The following COX7B2 variants were observed in gnomAD, a reference collection of about 807,000 sequenced individuals.
The protein encoded by COX7B2 is cytochrome c oxidase subunit 7B2, mitochondrial.
For synonymous variants in COX7B2, 37 were observed against 32.1 expected (o/e 1.15, Z -0.51); for missense variants, 109 against 95.9 (o/e 1.14, Z -0.57).
In COX7B2 at chr4:46,846,527, A is replaced by C. The variant is rs139522842; in HGVS notation, c.-104-1513T>G. The stretch of plus-strand genomic sequence containing the variant: ...TCAAAGGCCATGAGGGAGGTGAGGG[A>C]GTCAGACATGCAGTCTTCTGGGGGA... On this transcript the variant is annotated intron_variant, in intron 1 of 2. Coordinates refer to ENST00000355591, the MANE Select transcript of COX7B2 (RefSeq NM_130902.3). Among the ~76,000 whole-genome samples, 675 of 152,028 alleles carry C rather than the reference A, an allele frequency of 4.4e-3. 6 individuals carry two copies. The highest frequency in any genetic ancestry group is 0.016 in the African/African-American group (654 of 41,508).
intron 1 of COX7B2, among the ~76,000 whole-genome samples, chr4:46,893,135 A>G (rs940308346): frequency 3.9e-5 from 6 of 152,164 alleles, no homozygotes; most frequent in Non-Finnish European, 8.8e-5. Context: ...CACATGGATA[A>G]GTAGAGTTAA....
At chr4:46,884,236 G>A (rs1718927991) in intron 1 of COX7B2, among the ~76,000 whole-genome samples, 1 of 152,102 alleles carries the variant, frequency 6.6e-6, no homozygotes, top group Non-Finnish European at 1.5e-5. Context: ...TGTAGCACAG[G>A]CTGGAGTGCA....
chr4:46,880,730 A>G (rs1364763342), intron 1 of COX7B2, among the ~76,000 whole-genome samples: 1 of 151,220 alleles, frequency 6.6e-6, no homozygotes, highest in Non-Finnish European at 1.5e-5. Flanking sequence ...TTAAAAAAAA[A>G]ACTATCGCAA....
intron 1 of COX7B2, among the ~76,000 whole-genome samples, chr4:46,907,150 A>T (rs762368253): frequency 6.6e-6 from 1 of 152,138 alleles, no homozygotes. Context: ...ATCTCAATCA[A>T]GTAACAACTA....
At chr4:46,787,745 T>C (rs2109574143) in intron 2 of COX7B2, among the ~76,000 whole-genome samples, 1 of 152,346 alleles carries the variant, frequency 6.6e-6, no homozygotes, top group South Asian at 2.1e-4. Context: ...CTTATTGAGC[T>C]GCCTAGGGAG....
intron 1 of COX7B2, among the ~76,000 whole-genome samples, chr4:46,902,073 C>G (rs1293686944): frequency 6.6e-6 from 1 of 152,178 alleles, no homozygotes; most frequent in Non-Finnish European, 1.5e-5. Context: ...CTTTGTTTCT[C>G]TGGAGAACCC....
At chr4:46,764,197 T>C (rs542911751) in intron 2 of COX7B2, among the ~76,000 whole-genome samples, 3 of 152,294 alleles carry the variant, frequency 2.0e-5, no homozygotes, top group South Asian at 4.1e-4. Flanking sequence ...ACTACTTAAG[T>C]TCCTCTTTTT....
chr4:46,776,246 A>G (rs1717147416), intron 2 of COX7B2, among the ~76,000 whole-genome samples: 1 of 152,132 alleles, frequency 6.6e-6, no homozygotes, highest in African/African-American at 2.4e-5. Flanking sequence ...ATATGCATAC[A>G]GTATTCCCAA....
intron 1 of COX7B2, among the ~76,000 whole-genome samples, chr4:46,885,535 T>C (rs1719035660): frequency 6.6e-6 from 1 of 152,126 alleles, no homozygotes; most frequent in Non-Finnish European, 1.5e-5. Context: ...CCCCATTCTA[T>C]TCAAGAAACA....
At chr4:46,781,585 G>A (rs1717448478) in intron 2 of COX7B2, among the ~76,000 whole-genome samples, 1 of 152,198 alleles carries the variant, frequency 6.6e-6, no homozygotes, top group South Asian at 2.1e-4. Flanking sequence ...CACGCTTGAG[G>A]AGCCCTTCAG....
intron 1 of COX7B2, among the ~76,000 whole-genome samples, chr4:46,854,371 T>A (rs1716879260): frequency 6.6e-6 from 1 of 152,216 alleles, no homozygotes; most frequent in South Asian, 2.1e-4. Flanking sequence ...GCTGACAGAT[T>A]TGACGGTATG....
At chr4:46,777,961 TTC>T (rs1328629157) in intron 2 of COX7B2, among the ~76,000 whole-genome samples, 1 of 152,146 alleles carries the variant, frequency 6.6e-6, no homozygotes, top group Non-Finnish European at 1.5e-5. Flanking sequence ...CCATCTTTTT[TTC>T]TCTCTCTTTT....
At chr4:46,792,752 G>T (rs1718118085) in intron 2 of COX7B2, among the ~76,000 whole-genome samples, 1 of 152,172 alleles carries the variant, frequency 6.6e-6, no homozygotes, top group African/African-American at 2.4e-5. Context: ...CTCTAGGACA[G>T]ATTTTGATAC....
At chr4:46,783,508 C>T (rs1221854375) in intron 2 of COX7B2, among the ~76,000 whole-genome samples, 1 of 152,076 alleles carries the variant, frequency 6.6e-6, no homozygotes, top group Non-Finnish European at 1.5e-5. Context: ...CCATACTTGC[C>T]CTATTCTGAC....
At chr4:46,842,670 C>T (rs907898349) in intron 2 of COX7B2, among the ~76,000 whole-genome samples, 13 of 151,726 alleles carry the variant, frequency 8.6e-5, no homozygotes, top group South Asian at 2.1e-4. Context: ...TTTGTCCTTG[C>T]GATAGTTTGC....
intron 2 of COX7B2, among the ~76,000 whole-genome samples, chr4:46,763,097 T>C (rs1406767261): frequency 9.5e-6 from 1 of 105,636 alleles, no homozygotes; most frequent in Non-Finnish European, 1.9e-5. Flanking sequence ...TTATAATATA[T>C]AATAAATTAT....
intron 1 of COX7B2, among the ~76,000 whole-genome samples, chr4:46,890,445 T>C (rs555008067): frequency 1.3e-4 from 20 of 152,228 alleles, no homozygotes; most frequent in African/African-American, 4.8e-4. Context: ...TCAGTTCCTA[T>C]GCCAAAACAT....
chr4:46,876,787 G>A (rs1157209910), intron 1 of COX7B2: 1 of 152,170 alleles, frequency 6.6e-6, no homozygotes, highest in African/African-American at 2.4e-5. Context: ...GTTAAGATGA[G>A]AGAATTAAAA....
Position 46,748,707 on chromosome 4 carries a change from A to G in COX7B2, c.-49-13466T>C, listed in dbSNP as rs184917014. On this transcript the variant is annotated intron_variant, in intron 2 of 2. Transcript: ENST00000355591. Reference sequence around the variant, plus strand: ...TTTCTTTCCTGGAAACTCTTCTTCTATTAGCTTCCATGATATTCCCTTATT... The same window carrying G: ...TTTCTTTCCTGGAAACTCTTCTTCTGTTAGCTTCCATGATATTCCCTTATT... Among the ~76,000 whole-genome samples the G allele has an allele frequency of 2.6e-5, 4 of 152,260 alleles. No homozygotes were observed. The East Asian group carries it at 7.7e-4, about 29-fold the overall frequency.
Sources: gnomAD v4.1 joint callset for allele counts (sites outside exome capture counted in the v4.1 genomes callset) on GRCh38, gnomAD v4.1.1 for gene constraint, MANE v1.5 for transcripts, NCBI Gene and HGNC (gene_info 2026-07-23, HGNC 2026-07-21) for gene names.